Variants in PCGF5 observed in about 807,000 individuals in gnomAD.
PCGF5 encodes the protein polycomb group ring finger 5, also known as polycomb group RING finger protein 5.
Under a neutral mutation model 44.3 loss-of-function variants are expected in PCGF5, and 9 were observed. The observed-to-expected ratio is 0.20, with a 90% CI of 0.12 to 0.35. The LOEUF (loss-of-function observed/expected upper bound fraction) is 0.35. PCGF5 is among the 10% of genes least tolerant of loss of function. PCGF5 has a pLI of 1.00. For missense variants in PCGF5, 146 were observed against 305.3 expected (o/e 0.48, Z 3.89); for synonymous variants, 95 against 102.5 (o/e 0.93, Z 0.44).
Position 91,248,558 on chromosome 10 carries a change from A to G in PCGF5, c.263A>G (p.Glu88Gly), listed in dbSNP as rs372777415. The G allele has an allele frequency of 6.2e-7, 1 of 1,612,764 alleles. No individual in the cohort carries two copies. The highest frequency in any genetic ancestry group is 8.5e-7 in the Non-Finnish European group (1 of 1,179,148). The stretch of plus-strand genomic sequence containing the variant: ...TTTAAGCTGGTCCCTGGACTACGAG[A>G]ACGTAAGTGGCTCTTTAGGTTCTTG... ...IIFKLVPGLR[E>G]QELERESEFW... Residue 88 changes from glutamate (E) to glycine (G), a missense_variant and splice_region_variant, in exon 4 of 10, where the codon GAA becomes GGA. Coordinates refer to ENST00000336126, the MANE Select transcript of PCGF5 (RefSeq NM_032373.5).
chr10:91,161,437 T>G (rs1564621182), upstream of PCGF5, among the ~76,000 whole-genome samples: 1 of 152,112 alleles, frequency 6.6e-6, no homozygotes, highest in Non-Finnish European at 1.5e-5. Flanking sequence ...TCTACTTCAG[T>G]GTGTGATCAG....
chr10:91,183,109 T>G (rs1843852643), intron 1 of PCGF5, among the ~76,000 whole-genome samples: 1 of 150,734 alleles, frequency 6.6e-6, no homozygotes, highest in Non-Finnish European at 1.5e-5. Flanking sequence ...CAGTGTTGTG[T>G]ATATATTTGA....
At chr10:91,184,703 A>G (rs1298850075) in intron 1 of PCGF5, among the ~76,000 whole-genome samples, 1 of 149,874 alleles carries the variant, frequency 6.7e-6, no homozygotes, top group African/African-American at 2.4e-5. Flanking sequence ...ATCTACCTTC[A>G]GTATTTGAGG....
intron 1 of PCGF5, among the ~76,000 whole-genome samples, chr10:91,166,771 G>A (rs546513452): frequency 6.6e-6 from 1 of 152,322 alleles, no homozygotes; most frequent in East Asian, 1.9e-4. Flanking sequence ...ACTTTTTGGA[G>A]CATTCTGTCA....
intron 1 of PCGF5, among the ~76,000 whole-genome samples, chr10:91,196,551 G>GT (rs1304073224): frequency 6.6e-6 from 1 of 152,074 alleles, no homozygotes; most frequent in Admixed American, 6.5e-5. Flanking sequence ...CAGAAATGTT[G>GT]TATCTTCAGA....
rs1043183484 is a variant in PCGF5, at chr10:91,281,157, T to C, written c.*2841T>C. On this transcript the variant is annotated 3_prime_UTR_variant, in exon 10 of 10. Coordinates refer to ENST00000336126, the MANE Select transcript of PCGF5 (RefSeq NM_032373.5). ...CTTTTCTCTAGATTAGCAAAACAGCTTTACAAAGTATGAAAAAATAAACTA... is the reference window on the plus strand; with the variant it reads ...CTTTTCTCTAGATTAGCAAAACAGCCTTACAAAGTATGAAAAAATAAACTA... 2.0e-5 allele frequency: 3 copies of C among 152,504 alleles called. No individual in the cohort carries two copies. The highest frequency in any genetic ancestry group is 4.4e-5 in the Non-Finnish European group (3 of 67,914). The allele number at this position is 152,504 out of a possible 1,614,324, so 9.4% of individuals were successfully genotyped here.
At chr10:91,217,676 C>A (rs778844332), upstream of PCGF5, among the ~76,000 whole-genome samples, 1 of 152,242 alleles carries the variant, frequency 6.6e-6, no homozygotes, top group Non-Finnish European at 1.5e-5. Context: ...GATAGGGAAT[C>A]ACCAGTGGCC....
chr10:91,167,828 C>T (rs970886038), intron 1 of PCGF5, among the ~76,000 whole-genome samples: 10 of 152,210 alleles, frequency 6.6e-5, no homozygotes, highest in Non-Finnish European at 1.3e-4. Context: ...AAATATTCTC[C>T]AGAAGAGAAA....
intron 9 of PCGF5, among the ~76,000 whole-genome samples, chr10:91,277,265 A>G (rs1036310434): frequency 6.6e-6 from 1 of 152,236 alleles, no homozygotes; most frequent in Non-Finnish European, 1.5e-5. Flanking sequence ...ATCTCAGTCT[A>G]GCCCTTTTAT....
intron 9 of PCGF5, among the ~76,000 whole-genome samples, chr10:91,276,570 A>G (rs1168687565): frequency 2.0e-5 from 3 of 152,230 alleles, no homozygotes; most frequent in Admixed American, 1.3e-4. Flanking sequence ...ATTAAACTTC[A>G]TATGTTCTTA....
At chr10:91,231,123 C>A (rs1301794997) in intron 2 of PCGF5, among the ~76,000 whole-genome samples, 4 of 152,190 alleles carry the variant, frequency 2.6e-5, no homozygotes, top group African/African-American at 9.7e-5. Context: ...AAAATGTAAG[C>A]TTCTTTCCCA....
intron 9 of PCGF5, 146 bp from the exon 10 acceptor site, chr10:91,278,123 A>G: frequency 1.5e-6 from 1 of 667,252 alleles, no homozygotes; most frequent in Non-Finnish European, 2.5e-6. Flanking sequence ...TAGAGTTTTA[A>G]TGGTAACTCA....
At chr10:91,192,382 T>C (rs1844049331) in intron 1 of PCGF5, among the ~76,000 whole-genome samples, 1 of 152,194 alleles carries the variant, frequency 6.6e-6, no homozygotes, top group Non-Finnish European at 1.5e-5. Context: ...TTGCTGTGAG[T>C]CTTCATTAAT....
chr10:91,159,693 C>T (rs748885058), upstream of PCGF5, among the ~76,000 whole-genome samples: 7 of 152,274 alleles, frequency 4.6e-5, no homozygotes, highest in Non-Finnish European at 1.0e-4. Context: ...TTACATATGA[C>T]GATATTTCAT....
intron 5 of PCGF5, among the ~76,000 whole-genome samples, chr10:91,249,705 C>G (rs1845576701): frequency 6.6e-6 from 1 of 151,614 alleles, no homozygotes; most frequent in South Asian, 2.1e-4. Context: ...CTGTGCAAGG[C>G]TGTTAGAGCA....
At chr10:91,271,509 TG>T in intron 8 of PCGF5, 128 bp from the exon 9 acceptor site, 1 of 640,294 alleles carries the variant, frequency 1.6e-6, no homozygotes, top group Non-Finnish European at 2.5e-6. Flanking sequence ...ACCATTTTTT[TG>T]GAAAGTGTTT....
upstream of PCGF5, among the ~76,000 whole-genome samples, chr10:91,219,257 C>A (rs914257674): frequency 1.3e-5 from 2 of 152,200 alleles, no homozygotes; most frequent in Non-Finnish European, 2.9e-5. Context: ...CCTTCAAGCT[C>A]GTTTCCTTCA....
intron 1 of PCGF5, among the ~76,000 whole-genome samples, chr10:91,173,890 T>C (rs980454884): frequency 3.9e-5 from 6 of 151,976 alleles, no homozygotes; most frequent in African/African-American, 1.4e-4. Context: ...TCATGCTTGA[T>C]TATTTGTTAA....
At chr10:91,252,863 A>G (rs932013695) in intron 6 of PCGF5, among the ~76,000 whole-genome samples, 2 of 152,058 alleles carry the variant, frequency 1.3e-5, no homozygotes, top group Non-Finnish European at 2.9e-5. Context: ...TTAGAAATTT[A>G]TTTGAAAAAT....
Sources: gnomAD v4.1 joint callset for allele counts (sites outside exome capture counted in the v4.1 genomes callset) on GRCh38, gnomAD v4.1.1 for gene constraint, MANE v1.5 for transcripts, NCBI Gene and HGNC (gene_info 2026-07-23, HGNC 2026-07-21) for gene names.